The following CDHR2 variants were observed in gnomAD, a reference collection of about 807,000 sequenced individuals.
CDHR2 encodes cadherin-related family member 2.
Under a neutral mutation model 138.6 loss-of-function variants are expected in CDHR2, and 104 were observed. That is an observed-to-expected ratio of 0.75 (90% CI 0.64 to 0.88). CDHR2 has a LOEUF of 0.88. CDHR2 is among the 40% of genes least tolerant of loss of function. The pLI, the probability that CDHR2 is intolerant of heterozygous loss-of-function variation, is 0.00. For synonymous variants in CDHR2, 755 were observed against 742.8 expected (o/e 1.02, Z -0.27); for missense variants, 1,624 against 1,727.6 (o/e 0.94, Z 1.06).
At position 176,581,555 on chromosome 5, in the gene CDHR2, C is replaced by T; in HGVS notation, c.2031C>T (p.Thr677=). The T allele has an allele frequency of 6.2e-7, 1 of 1,613,982 alleles. No individual in the cohort carries two copies. Among genetic ancestry groups the T allele is most frequent in the Non-Finnish European group, 8.5e-7 (1 of 1,180,042 alleles). Residue 677 remains threonine (T), a synonymous_variant, in exon 17 of 32, where the codon ACC becomes ACT. Transcript: ENST00000261944. ...VSDCGEPVLG[T]KVNVTITVED... is the part of the protein sequence containing the mutation. ...ACTGCGGCGAGCCTGTCCTCGGCAC[C>T]AAAGTCAATGTCACCATCACTGTGG...
At position 176,576,126 on chromosome 5, in the gene CDHR2, C is replaced by T. The variant is rs778491878; in HGVS notation, c.1135C>T (p.His379Tyr). 6.2e-7 allele frequency: 1 copy of T among 1,613,944 alleles called. No individual in the cohort carries two copies. Among genetic ancestry groups the T allele is most frequent in the African/African-American group, 1.3e-5 (1 of 74,910 alleles). ...GAACTTCACTGGCTACGTGGACGAGCATGCCTCCCCCCGCATCCCCATCGA... is the reference window on the plus strand; with the variant it reads ...GAACTTCACTGGCTACGTGGACGAGTATGCCTCCCCCCGCATCCCCATCGA... ...QVNFTGYVDE[H>Y]ASPRIPIDDL... The change falls in exon 12 of 32, where the codon CAT becomes TAT. Residue 379 changes from histidine (H) to tyrosine (Y), a missense_variant. His to Tyr is a moderately conservative substitution (Grantham distance 83, BLOSUM62 2). Around this residue, in one of 3 missense-constraint regions of CDHR2, gnomAD observed 1,061 missense variants for 1,136.6 expected, o/e 0.93. Transcript: ENST00000261944. The surrounding 1 kb of genome is among the most constrained non-coding windows in gnomAD (Gnocchi z 4.5).
rs1234185659 is a variant in CDHR2, at chr5:176,568,956, G to A, written c.265-4G>A. ...CACCGGCCCCTTCTCTCTGGCTGCT[G>A]CAGACACTCTACACATTCAAAGTCA... On this transcript the variant is annotated splice_polypyrimidine_tract_variant and splice_region_variant and intron_variant, in intron 4 of 31. Coordinates refer to ENST00000261944, the MANE Select transcript of CDHR2 (RefSeq NM_017675.6). 2 of 1,614,024 alleles carry A rather than the reference G, an allele frequency of 1.2e-6. No homozygotes were observed. The highest frequency in any genetic ancestry group is 3.3e-5 in the Admixed American group (2 of 60,016).
chr5:176,590,888 T>G (rs545171343), intron 28 of CDHR2, among the ~76,000 whole-genome samples: 2 of 152,166 alleles, frequency 1.3e-5, no homozygotes, highest in Non-Finnish European at 2.9e-5. Context: ...GCATGAGACT[T>G]GATTCCTCAG....
In CDHR2 at chr5:176,565,707, A is replaced by T; in HGVS notation, c.88A>T (p.Met30Leu). 6.2e-7 allele frequency: 1 copy of T among 1,613,964 alleles called. No individual in the cohort carries two copies. The highest frequency in any genetic ancestry group is 8.5e-7 in the Non-Finnish European group (1 of 1,179,934). ...ANVAPKFLAN[M>L]TSVILPEDLP... ...CGTGGCCCCGAAGTTCCTAGCCAAC[A>T]TGACGTCAGTGATCCTGCCTGAGGA... Residue 30 changes from methionine to leucine, a missense_variant, in exon 3 of 32, where the codon ATG becomes TTG. By Grantham distance (15) the Met-to-Leu change is conservative (BLOSUM62 2). Around this residue, in one of 3 missense-constraint regions of CDHR2, gnomAD observed 1,061 missense variants for 1,136.6 expected, o/e 0.93. Coordinates refer to ENST00000261944, the MANE Select transcript of CDHR2 (RefSeq NM_017675.6).
chr5:176,564,202 T>C (rs962665307), intron 1 of CDHR2, among the ~76,000 whole-genome samples: 5 of 152,196 alleles, frequency 3.3e-5, no homozygotes, highest in Admixed American at 6.6e-5. Context: ...TCTTTTTTTT[T>C]TGAGACGGAG....
chr5:176,585,914 C>G, intron 19 of CDHR2, 40 bp from the exon 20 acceptor site: 1 of 1,532,884 alleles, frequency 6.5e-7, no homozygotes, highest in Non-Finnish European at 9.0e-7. Flanking sequence ...TTGGGTCAAG[C>G]TTTTGCCCAG....
chr5:176,558,224 T>G (rs1266993848), intron 1 of CDHR2, among the ~76,000 whole-genome samples: 1 of 149,228 alleles, frequency 6.7e-6, no homozygotes, highest in African/African-American at 2.5e-5. Flanking sequence ...ATTTTTTTTT[T>G]TTTTTTTTTG....
intron 1 of CDHR2, among the ~76,000 whole-genome samples, chr5:176,563,074 G>A (rs534091452): frequency 1.3e-4 from 20 of 152,246 alleles, no homozygotes; most frequent in South Asian, 4.1e-4. Context: ...TGGGCTGGGC[G>A]CAGTGGCTCA....
chr5:176,590,500 G>T lies in CDHR2; in HGVS notation c.3414+15G>T. ...TGGTGGTGCTGGTGAGTGCGGGCAG[G>T]GCGGGGCAGCAGGTGGGGCTGCTGA... On this transcript the variant is annotated intron_variant, in intron 27 of 31. Coordinates refer to ENST00000261944, the MANE Select transcript of CDHR2 (RefSeq NM_017675.6). 1 of 1,614,034 alleles carries T rather than the reference G, an allele frequency of 6.2e-7. No individual in the cohort carries two copies. The highest frequency in any genetic ancestry group is 8.5e-7 in the Non-Finnish European group (1 of 1,179,992).
intron 21 of CDHR2, among the ~76,000 whole-genome samples, chr5:176,588,541 G>GAA (rs1491513356): frequency 6.7e-6 from 1 of 148,678 alleles, no homozygotes; most frequent in Non-Finnish European, 1.5e-5. Context: ...GTTAGGGTGA[G>GAA]TGAGTGTATG....
chr5:176,576,189 G>A lies in CDHR2; in HGVS notation c.1194+4G>A. On this transcript the variant is annotated splice_donor_region_variant and intron_variant, in intron 12 of 31. Transcript: ENST00000261944. The surrounding 1 kb of genome is among the most constrained non-coding windows in gnomAD (Gnocchi z 4.5). ...GGTGGTCTACGACCCGGACAAGGCA[G>A]GCGTGGTGGCGTGGGTGTGGGCGGG... is the stretch of plus-strand genomic sequence containing the variant. The A allele has an allele frequency of 2.5e-6, 4 of 1,604,088 alleles. No homozygotes were observed. Among genetic ancestry groups the A allele is most frequent in the Non-Finnish European group, 3.4e-6 (4 of 1,175,774 alleles).
chr5:176,584,488 G>A lies in CDHR2; in HGVS notation c.2207G>A (p.Gly736Glu), dbSNP rs1172914281. The A allele has an allele frequency of 1.2e-6, 2 of 1,613,064 alleles. No individual in the cohort carries two copies. The highest frequency in any genetic ancestry group is 3.3e-5 in the Admixed American group (2 of 59,934). Residue 736 changes from glycine (G) to glutamate (E), a missense_variant, in exon 19 of 32, where the codon GGG (glycine) becomes GAG (glutamate). Physicochemically the swap from Gly to Glu is moderately conservative, Grantham distance 98. Coordinates refer to ENST00000261944, the MANE Select transcript of CDHR2 (RefSeq NM_017675.6). ...AACCGCATCAGCTTCAGCCTGTCGG[G>A]GAGTGGTGCCAACTACTTCATGATC... ...ANNRISFSLS[G>E]SGANYFMIRG... is the part of the protein sequence containing the mutation.
At chr5:176,588,518 T>C (rs1368515512) in intron 21 of CDHR2, among the ~76,000 whole-genome samples, 1 of 134,544 alleles carries the variant, frequency 7.4e-6, no homozygotes, top group Non-Finnish European at 1.6e-5. Flanking sequence ...AGTGTGTGCA[T>C]GTGTGTGAGT....
At chr5:176,587,421 C>T (rs1758695688) in intron 21 of CDHR2, among the ~76,000 whole-genome samples, 1 of 151,954 alleles carries the variant, frequency 6.6e-6, no homozygotes, top group South Asian at 2.1e-4. Flanking sequence ...GCACTCCAGC[C>T]TGGGCGACAA....
chr5:176,577,456 G>A lies in CDHR2; in HGVS notation c.1252G>A (p.Val418Ile), dbSNP rs748317074. The change falls in exon 13 of 32, where the codon GTC becomes ATC. Residue 418 changes from valine (V) to isoleucine (I), a missense_variant. Around this residue, in one of 3 missense-constraint regions of CDHR2, gnomAD observed 1,061 missense variants for 1,136.6 expected, o/e 0.93. Transcript: ENST00000261944. ...LGGPDAEAFSVSPERAVGSAS... is the reference protein window; with the variant it reads ...LGGPDAEAFSISPERAVGSAS... The stretch of plus-strand genomic sequence containing the variant: ...GGGCCCCGATGCAGAAGCCTTCAGC[G>A]TCTCCCCGGAGCGGGCAGTGGGCTC... 1.9e-5 allele frequency: 30 copies of A among 1,610,094 alleles called. No individual in the cohort carries two copies. The highest frequency in any genetic ancestry group is 1.6e-4 in the Middle Eastern group (1 of 6,074).
chr5:176,561,197 A>G (rs1218720504), intron 1 of CDHR2, among the ~76,000 whole-genome samples: 1 of 152,178 alleles, frequency 6.6e-6, no homozygotes, highest in Non-Finnish European at 1.5e-5. Context: ...AGGTGCTGTT[A>G]TTATTCCCAT....
rs201933320 is a variant in CDHR2, at chr5:176,577,772, G to A, written c.1486G>A (p.Gly496Ser). The change falls in exon 14 of 32, where the codon GGC (glycine) becomes AGC (serine). Residue 496 changes from glycine (G) to serine (S), a missense_variant. Physicochemically the swap from Gly to Ser is moderately conservative, Grantham distance 56. Coordinates refer to ENST00000261944, the MANE Select transcript of CDHR2 (RefSeq NM_017675.6). ...VLTVPEHSAT[G>S]SVVTDSIHAT... ...CACGGTGCCAGAGCACAGCGCCACC[G>A]GCTCTGTGGTCACCGACAGCATCCA... The A allele has an allele frequency of 9.9e-6, 16 of 1,614,040 alleles. No homozygotes were observed. Among genetic ancestry groups the A allele is most frequent in the East Asian group, 2.2e-5 (1 of 44,896 alleles).
chr5:176,569,003 A>G lies in CDHR2; in HGVS notation c.308A>G (p.Tyr103Cys), dbSNP rs764363092. Reference protein sequence around the residue: ...FKVTISVSDPYIQVQREMLVI... With the variant: ...FKVTISVSDPCIQVQREMLVI... ...GTCACCATCTCCGTGAGCGACCCCTACATCCAGGTGAGTTGGGAGGTGCAG... is the reference window on the plus strand; with the variant it reads ...GTCACCATCTCCGTGAGCGACCCCTGCATCCAGGTGAGTTGGGAGGTGCAG... The change falls in exon 5 of 32, where the codon TAC becomes TGC. Residue 103 changes from tyrosine (Y) to cysteine (C), a missense_variant. Physicochemically the swap from Tyr to Cys is radical, Grantham distance 194 (BLOSUM62 -2). Transcript: ENST00000261944. 2 of 1,614,060 alleles carry G rather than the reference A, an allele frequency of 1.2e-6. No homozygotes were observed. Among genetic ancestry groups the G allele is most frequent in the African/African-American group, 1.3e-5 (1 of 75,034 alleles).
intron 6 of CDHR2, among the ~76,000 whole-genome samples, chr5:176,573,506 G>A (rs1285172723): frequency 6.6e-6 from 1 of 151,944 alleles, no homozygotes; most frequent in Non-Finnish European, 1.5e-5. Context: ...AATTAGCTAG[G>A]CATGGTGGTG....
Sources: allele counts gnomAD v4.1 joint callset (sites outside exome capture counted in the v4.1 genomes callset), GRCh38; gene constraint gnomAD v4.1.1; regional missense constraint gnomAD v4.1.1; non-coding constraint Gnocchi (gnomAD v3.1); transcripts MANE v1.5; gene names NCBI Gene and HGNC (gene_info 2026-07-23, HGNC 2026-07-21).